Variants in XRN1 observed in about 807,000 individuals in gnomAD.
XRN1 encodes strand-exchange protein 1 homolog.
A neutral mutation model predicts 222.3 loss-of-function variants in XRN1; 67 were observed. That is an observed-to-expected ratio of 0.30 (90% confidence interval 0.25 to 0.37). The LOEUF (loss-of-function observed/expected upper bound fraction) is 0.37, where lower values mean the gene tolerates loss of function less well. Among genes scored for constraint, XRN1 ranks in the 10% least tolerant of loss-of-function variants. XRN1 has a pLI of 1.00. For synonymous variants in XRN1, 643 were observed against 652.4 expected, an observed-to-expected ratio of 0.99 and a Z score of 0.22; for missense variants, 1,707 against 2,000.2, an observed-to-expected ratio of 0.85 and a Z score of 2.80.
intron 33 of XRN1, among the ~76,000 whole-genome samples, chr3:142,341,668 C>T (rs1263907724): frequency 1.3e-5 from 2 of 151,894 alleles, no homozygotes; most frequent in Non-Finnish European, 2.9e-5. Context: ...TGATCTGTTG[C>T]CTAACAGAAA....
At chr3:142,353,260 T>A (rs548684101) in intron 32 of XRN1, among the ~76,000 whole-genome samples, 1 of 152,152 alleles carries the variant, frequency 6.6e-6, no homozygotes, top group East Asian at 1.9e-4. Context: ...AAAACAAAAA[T>A]TATCTATACT....
chr3:142,338,296 T>G (rs188488821), intron 33 of XRN1, among the ~76,000 whole-genome samples: 23 of 151,982 alleles, frequency 1.5e-4, no homozygotes, highest in South Asian at 1.0e-3. Context: ...TGTGTCAGAG[T>G]CATGAGACCC....
rs188993947 is a variant in XRN1, at chr3:142,330,138, A to C, written c.4223-523T>G. On this transcript the variant is annotated intron_variant, in intron 36 of 40. Coordinates refer to ENST00000392981, the MANE Select transcript of XRN1 (RefSeq NM_001282857.2). ...ATGGTACTGCTACAGGTAAAATTTG[A>C]ACAAACAAATGGCTTTCTTGTTTTG... Among the ~76,000 whole-genome samples, 448 of 152,346 alleles carry C rather than the reference A, an allele frequency of 2.9e-3. 6 individuals are homozygous for C. The highest frequency in any genetic ancestry group is 0.01 in the African/African-American group (422 of 41,588).
chr3:142,335,366 T>G, intron 34 of XRN1, 82 bp downstream of exon 34: 77 of 1,343,630 alleles, frequency 5.7e-5, no homozygotes, highest in Non-Finnish European at 7.6e-5. Flanking sequence ...TTGAAAAGGT[T>G]GAGAAATTCA....
intron 3 of XRN1, among the ~76,000 whole-genome samples, 178 bp from the exon 4 acceptor site, chr3:142,425,716 G>A (rs1210279146): frequency 6.6e-6 from 1 of 152,024 alleles, no homozygotes; most frequent in Non-Finnish European, 1.5e-5. Context: ...CTTTTCCCTT[G>A]CAAATATCAC....
At chr3:142,352,995 T>C (rs2066354421) in intron 32 of XRN1, among the ~76,000 whole-genome samples, 1 of 152,194 alleles carries the variant, frequency 6.6e-6, no homozygotes, top group South Asian at 2.1e-4. Flanking sequence ...GCAAAACATG[T>C]AGTAGGAATT....
At chr3:142,417,357 G>A in intron 12 of XRN1, 128 bp from the exon 13 acceptor site, 1 of 712,602 alleles carries the variant, frequency 1.4e-6, no homozygotes, top group Admixed American at 2.9e-5. Flanking sequence ...GCTATTTATG[G>A]CTAAAAATTA....
At chr3:142,421,253 T>C (rs1274489184) in intron 9 of XRN1, 100 bp from the exon 10 acceptor site, 3 of 1,169,542 alleles carry the variant, frequency 2.6e-6, no homozygotes, top group African/African-American at 1.6e-5. Context: ...GTATAGGAAA[T>C]TGGAGAATGT....
In XRN1 at chr3:142,312,627, C is replaced by A. The variant is rs1467274235; in HGVS notation, c.4753G>T (p.Gly1585Cys). The change falls in exon 40 of 41, where the codon GGT becomes TGT. Residue 1585 changes from glycine (G) to cysteine (C), a missense_variant. By Grantham distance (159) the Gly-to-Cys change is radical (BLOSUM62 -3). This residue lies in a region of XRN1 where 473 missense variants were observed against 482.0 expected (regional missense o/e 0.98). Transcript: ENST00000392981. The part of the protein sequence containing the change: ...TMPMAGGIPG[G>C]VHNQFIPLQV... ...AGAGGTATAAACTGATTGTGCACAC[C>A]CCCTGGTATTCCCCCAGCCATGGGC... 45 of 1,612,620 alleles carry A rather than the reference C, an allele frequency of 2.8e-5. No individual in the cohort carries two copies. The highest frequency in any genetic ancestry group is 3.8e-5 in the Non-Finnish European group (45 of 1,179,146).
intron 25 of XRN1, among the ~76,000 whole-genome samples, chr3:142,371,922 G>A (rs935371568): frequency 5.3e-5 from 8 of 152,152 alleles, no homozygotes; most frequent in African/African-American, 1.9e-4. Flanking sequence ...CTGGAAACTG[G>A]ATGAATGAAT....
At chr3:142,335,000 G>A (rs1339227346) in intron 34 of XRN1, among the ~76,000 whole-genome samples, 1 of 151,636 alleles carries the variant, frequency 6.6e-6, no homozygotes, top group Admixed American at 6.6e-5. Flanking sequence ...CACCACGCCT[G>A]GCTGATTTTT....
At chr3:142,403,490 T>A (rs113227351) in intron 18 of XRN1, among the ~76,000 whole-genome samples, 184 bp downstream of exon 18, 1 of 152,196 alleles carries the variant, frequency 6.6e-6, no homozygotes, top group Non-Finnish European at 1.5e-5. Flanking sequence ...ATATTCATTG[T>A]GTCACAGTGA....
chr3:142,430,236 C>G (rs1051714024), intron 2 of XRN1, among the ~76,000 whole-genome samples: 2 of 152,138 alleles, frequency 1.3e-5, no homozygotes, highest in African/African-American at 4.8e-5. Flanking sequence ...TTTGGCTTTA[C>G]AGTGATTTTT....
rs147375136 is a variant in XRN1, at chr3:142,358,098, G to A, written c.3465-979C>T. 3.0e-4 allele frequency among the ~76,000 whole-genome samples: 46 copies of A among 152,156 alleles called. 1 individual carries two copies. In the East Asian group the frequency reaches 8.5e-3, roughly 28 times the overall value. ...AACAAAAAAACGAAAACTATGGTTT[G>A]GGCAGTCTAGGTTATGAAAGCTCAG... On this transcript the variant is annotated intron_variant, in intron 30 of 40. Coordinates refer to ENST00000392981, the MANE Select transcript of XRN1 (RefSeq NM_001282857.2).
intron 13 of XRN1, among the ~76,000 whole-genome samples, chr3:142,415,987 TATG>T (rs2068770634): frequency 3.9e-5 from 6 of 151,946 alleles, no homozygotes; most frequent in Admixed American, 3.9e-4. Context: ...GAGGCTGAGG[TATG>T]ATAATTGCTT....
Position 142,350,928 on chromosome 3 carries a change from T to C in XRN1, c.3769-3586A>G, listed in dbSNP as rs533050224. On this transcript the variant is annotated intron_variant, in intron 32 of 40. Transcript: ENST00000392981. ...TATATTAAGTACCCAAGTGGAGACA[T>C]AGAGTTGGACATTTGAGTGGAGATG... Among the ~76,000 whole-genome samples the C allele has an allele frequency of 6.6e-5, 10 of 152,214 alleles. No homozygotes were observed. In the East Asian group the frequency reaches 7.7e-4, roughly 12 times the overall value.
chr3:142,391,577 A>G (rs563044102), intron 20 of XRN1, among the ~76,000 whole-genome samples: 22 of 152,014 alleles, frequency 1.4e-4, no homozygotes, highest in African/African-American at 5.3e-4. Context: ...AAAAATTAAA[A>G]TAGTAGCCTG....
rs1218444680 is a variant in XRN1 at position 142,447,771 on chromosome 3, AG to A, written c.75+98del. On this transcript the variant is annotated intron_variant, in intron 1 of 40. Coordinates refer to ENST00000392981, the MANE Select transcript of XRN1 (RefSeq NM_001282857.2). This position sits in a 1 kb window ranked among gnomAD's most constrained non-coding sequence, Gnocchi z 4.2. ...AATGCCACTAATCGTCCAGACGACG[AG>A]GGGAAAGAGGTGGCTCGAAAGCCCC... 1.4e-5 allele frequency: 19 copies of A among 1,356,054 alleles called. No individual in the cohort carries two copies. The East Asian group carries it at 3.7e-4, about 27-fold the overall frequency. The allele number at this position is 1,356,054 out of a possible 1,614,324, so 84.0% of individuals were successfully genotyped here. A position where few individuals can be genotyped will look rare whatever the true frequency, so the allele number is the denominator to read the frequency against.
intron 20 of XRN1, among the ~76,000 whole-genome samples, chr3:142,385,133 C>T (rs1426649550): frequency 2.0e-5 from 3 of 152,150 alleles, no homozygotes; most frequent in Non-Finnish European, 2.9e-5. Flanking sequence ...CCAACCCCCC[C>T]GGATTGGAAA....
Sources: allele counts gnomAD v4.1 joint callset (sites outside exome capture counted in the v4.1 genomes callset), GRCh38; gene constraint gnomAD v4.1.1; regional missense constraint gnomAD v4.1.1; non-coding constraint Gnocchi (gnomAD v3.1); transcripts MANE v1.5; gene names NCBI Gene and HGNC (gene_info 2026-07-23, HGNC 2026-07-21).